The following HSPA4 variants were observed in gnomAD, a reference collection of about 807,000 sequenced individuals.
HSPA4 encodes the protein heat shock 70 kDa protein 4.
HSPA4 carries 25 observed loss-of-function variants against 106.2 expected under a neutral mutation model. The observed-to-expected ratio is 0.24, with a 90% CI of 0.17 to 0.33. The LOEUF is 0.33. Ranked by LOEUF, HSPA4 falls within the 10% of genes least tolerant of loss-of-function variation. HSPA4 has a pLI of 1.00. For synonymous variants in HSPA4, 332 were observed against 333.6 expected (o/e 1.00, Z 0.05); for missense variants, 841 against 996.0 (o/e 0.84, Z 2.10).
intron 1 of HSPA4, among the ~76,000 whole-genome samples, chr5:133,057,564 AC>A (rs2126692243): frequency 1.3e-5 from 2 of 152,310 alleles, no homozygotes; most frequent in South Asian, 4.1e-4. Context: ...CTTTTAAAGG[AC>A]CTATGCCAAT....
chr5:133,093,884 C>T (rs968214425), intron 13 of HSPA4, among the ~76,000 whole-genome samples: 51 of 152,038 alleles, frequency 3.4e-4, no homozygotes, highest in Non-Finnish European at 5.6e-4. Context: ...CACTTGGGGT[C>T]AGGAGTGAGA....
rs1765854579 is a variant in HSPA4, at chr5:133,106,101, A to ATTTTT, written c.*1665_*1666insTTTTT. ...GGCCATTTCTTCTTAAAAAAAAAAA[A>ATTTTT]ATTTTTTTTTTTTTTTTTTTTTTTT... On this transcript the variant is annotated 3_prime_UTR_variant, in exon 19 of 19. Coordinates refer to ENST00000304858, the MANE Select transcript of HSPA4 (RefSeq NM_002154.4). 1.6e-4 allele frequency: 13 copies of ATTTTT among 80,214 alleles called. No individual in the cohort carries two copies. The highest frequency in any genetic ancestry group is 2.5e-4 in the African/African-American group (5 of 19,818). 5.0% of individuals were successfully genotyped at this position (80,214 alleles called of 1,614,324 possible).
intron 15 of HSPA4, among the ~76,000 whole-genome samples, chr5:133,098,769 T>C (rs58722548): frequency 0.022 from 3,302 of 152,192 alleles, 110 homozygotes; most frequent in African/African-American, 0.075. Flanking sequence ...ACCTCCCTGG[T>C]TCAAGTGATT....
rs1765859073 is a variant in HSPA4, at chr5:133,106,140, T to TGG, written c.*1705_*1706dup. 8.8e-5 allele frequency: 5 copies of TGG among 56,650 alleles called. No individual in the cohort carries two copies. The South Asian group carries it at 2.1e-3, about 23-fold the overall frequency. 3.5% of individuals were successfully genotyped at this position (56,650 alleles called of 1,614,324 possible). A position where few individuals can be genotyped will look rare whatever the true frequency, so the allele number is the denominator to read the frequency against. The stretch of plus-strand genomic sequence containing the variant: ...TTTTTTTTTTTTTTTTTTTTTTTTT[T>TGG]GGTGTGTGTGTGTGTGTGTGTGGGG... On this transcript the variant is annotated 3_prime_UTR_variant, in exon 19 of 19. Transcript: ENST00000304858.
intron 7 of HSPA4, among the ~76,000 whole-genome samples, chr5:133,084,324 G>A (rs1765552249): frequency 6.6e-6 from 1 of 152,034 alleles, no homozygotes. Flanking sequence ...TGTTATTGAT[G>A]GACAGTGACT....
chr5:133,086,980 ATATT>A (rs1765585900), intron 8 of HSPA4, 122 bp downstream of exon 8: 1 of 674,944 alleles, frequency 1.5e-6, no homozygotes, highest in East Asian at 2.8e-5. Flanking sequence ...TCAGTGGTAT[ATATT>A]AAACTTTTTT....
In HSPA4 at chr5:133,101,842, A is replaced by G; in HGVS notation, c.2121A>G (p.Gln707=). The change falls in exon 17 of 19, where the codon CAA becomes CAG. Residue 707 remains glutamine, a synonymous_variant. Transcript: ENST00000304858. The part of the protein sequence containing the change: ...KLFEELGKQI[Q]QYMKIISSFK... ...TTGAAGAACTAGGGAAACAGATCCA[A>G]CAGTATATGAAAATAATCAGCTCTT... 1.3e-6 allele frequency: 2 copies of G among 1,597,426 alleles called. No homozygotes were observed. Among genetic ancestry groups the G allele is most frequent in the Non-Finnish European group, 1.7e-6 (2 of 1,167,464 alleles).
chr5:133,097,356 A>C, intron 15 of HSPA4, 70 bp downstream of exon 15: 2 of 1,424,042 alleles, frequency 1.4e-6, no homozygotes, highest in South Asian at 2.4e-5. Context: ...TTAGAAGGGA[A>C]GTGTGCAGCT....
chr5:133,075,739 G>A (rs6892902), intron 6 of HSPA4, among the ~76,000 whole-genome samples: 55,802 of 151,734 alleles, frequency 0.37, 12,447 homozygotes, highest in African/African-American at 0.63. Flanking sequence ...CTGGGGTGGC[G>A]GGATTGCTTG....
chr5:133,070,092 A>G (rs1016760936), intron 3 of HSPA4, among the ~76,000 whole-genome samples: 1 of 152,164 alleles, frequency 6.6e-6, no homozygotes, highest in Middle Eastern at 3.4e-3. Flanking sequence ...GCTTAAACCC[A>G]GGAGGTTAAG....
intron 7 of HSPA4, among the ~76,000 whole-genome samples, chr5:133,081,678 G>A (rs1347996390): frequency 6.6e-6 from 1 of 152,092 alleles, no homozygotes; most frequent in African/African-American, 2.4e-5. Flanking sequence ...TTTGTACAGA[G>A]CTGATACTAA....
intron 13 of HSPA4, 71 bp downstream of exon 13, chr5:133,092,860 G>A: frequency 1.1e-6 from 1 of 871,886 alleles, no homozygotes; most frequent in Admixed American, 3.2e-5. Flanking sequence ...TCAGTCTGTT[G>A]CCCAGGCTGG....
chr5:133,068,069 T>C lies in HSPA4; in HGVS notation c.306+512T>C, dbSNP rs1263260509. ...CACCATGCCTGGGTAGTTTTTTGCA[T>C]CTTTAGTAGAGACGGGGTTTCACTG... On this transcript the variant is annotated intron_variant, in intron 3 of 18. Coordinates refer to ENST00000304858, the MANE Select transcript of HSPA4 (RefSeq NM_002154.4). Among the ~76,000 whole-genome samples the C allele has an allele frequency of 3.9e-5, 6 of 152,070 alleles. No individual in the cohort carries two copies. The East Asian group carries it at 1.2e-3, about 29-fold the overall frequency.
intron 1 of HSPA4, among the ~76,000 whole-genome samples, chr5:133,059,402 T>G (rs1765208223): frequency 6.7e-6 from 1 of 149,974 alleles, no homozygotes; most frequent in African/African-American, 2.5e-5. Context: ...GAGCCGAGAT[T>G]ATGCCATTGC....
chr5:133,087,052 A>T (rs1366692239), intron 8 of HSPA4, among the ~76,000 whole-genome samples, 194 bp downstream of exon 8: 2 of 152,218 alleles, frequency 1.3e-5, no homozygotes, highest in Non-Finnish European at 2.9e-5. Flanking sequence ...GGGAAATCTA[A>T]TAAAAGTTTC....
rs1765724843 is a variant in HSPA4, at chr5:133,097,306, C to A, written c.1929+20C>A. 6 of 1,605,232 alleles carry A rather than the reference C, an allele frequency of 3.7e-6. No homozygotes were observed. Among genetic ancestry groups the A allele is most frequent in the Non-Finnish European group, 5.1e-6 (6 of 1,173,156 alleles). On this transcript the variant is annotated intron_variant, in intron 15 of 18. Coordinates refer to ENST00000304858, the MANE Select transcript of HSPA4 (RefSeq NM_002154.4). ...GAAGATGTAAGTCTGCCACAATATG[C>A]CTAACTACTGTGTGTCTTCTGTGAA...
In HSPA4 at chr5:133,089,105, T is replaced by C; in HGVS notation, c.1188T>C (p.Asp396=). 1 of 1,606,036 alleles carries C rather than the reference T, an allele frequency of 6.2e-7. No homozygotes were observed. The highest frequency in any genetic ancestry group is 1.1e-5 in the South Asian group (1 of 89,566). ...AFKVREFSIT[D]VVPYPISLRW... is the part of the protein sequence containing the mutation. Reference sequence around the variant, plus strand: ...AAGTCAGAGAATTTTCTATCACTGATGTAGTACCATATCCAATATCTCTGA... The same window carrying C: ...AAGTCAGAGAATTTTCTATCACTGACGTAGTACCATATCCAATATCTCTGA... Residue 396 remains aspartate (D), a synonymous_variant, in exon 10 of 19, where the codon GAT becomes GAC. Coordinates refer to ENST00000304858, the MANE Select transcript of HSPA4 (RefSeq NM_002154.4).
chr5:133,071,690 CA>C (rs1402608120), intron 4 of HSPA4, among the ~76,000 whole-genome samples: 1 of 152,166 alleles, frequency 6.6e-6, no homozygotes, highest in Non-Finnish European at 1.5e-5. Context: ...ATTGGCAAAG[CA>C]AGGACTGTTA....
intron 11 of HSPA4, among the ~76,000 whole-genome samples, chr5:133,090,540 T>C (rs944408381): frequency 2.0e-5 from 3 of 151,774 alleles, no homozygotes; most frequent in South Asian, 2.1e-4. Flanking sequence ...AGAGTAGTTA[T>C]AGACTCTGGG....
Sources: allele counts gnomAD v4.1 joint callset (sites outside exome capture counted in the v4.1 genomes callset), GRCh38; gene constraint gnomAD v4.1.1; transcripts MANE v1.5; gene names NCBI Gene and HGNC (gene_info 2026-07-23, HGNC 2026-07-21).